MMP26: variants seen among roughly 807,000 people sequenced by gnomAD.
MMP26 encodes matrix metalloproteinase-26.
A neutral mutation model predicts 31.0 loss-of-function variants in MMP26; 33 were observed. The ratio of observed to expected loss-of-function variants is 1.06; its 90% CI spans 0.81 to 1.42. MMP26 has a LOEUF of 1.42. Ranked by LOEUF, MMP26 falls within the 40% of genes most tolerant of loss-of-function variation. MMP26 has a pLI of 0.00. For missense variants in MMP26, 347 were observed against 316.1 expected, an observed-to-expected ratio of 1.10 and a Z score of -0.74; for synonymous variants, 122 against 114.9, an observed-to-expected ratio of 1.06 and a Z score of -0.40.
chr11:4,898,655 G>A (rs973094202), intron 2 of MMP26, among the ~76,000 whole-genome samples: 7 of 151,984 alleles, frequency 4.6e-5, no homozygotes, highest in Admixed American at 6.6e-5. Flanking sequence ...TTTATTGTTA[G>A]CATTATTTAT....
At chr11:4,913,236 AG>A (rs1363786052) in intron 2 of MMP26, 1 of 152,144 alleles carries the variant, frequency 6.6e-6, no homozygotes, top group Non-Finnish European at 1.5e-5. Context: ...GCCAAACAGG[AG>A]GGGACACTGG....
At chr11:4,722,948 G>T in intron 1 of MMP26, 1 of 790,294 alleles carries the variant, frequency 1.3e-6, no homozygotes, top group Non-Finnish European at 2.3e-6. Context: ...GGTGGTCTTT[G>T]TATGGATACT....
intron 2 of MMP26, chr11:4,882,019 C>A (rs1850473133): frequency 6.2e-7 from 1 of 1,613,810 alleles, no homozygotes; most frequent in African/African-American, 1.3e-5. Context: ...ACACCATTGC[C>A]CTCTTGGGAA....
intron 1 of MMP26, among the ~76,000 whole-genome samples, chr11:4,755,506 A>G (rs1848494882): frequency 6.6e-6 from 1 of 152,068 alleles, no homozygotes; most frequent in Non-Finnish European, 1.5e-5. Context: ...CTTGTATCAG[A>G]CATCTCATCT....
chr11:4,832,372 A>G (rs1849658607), intron 2 of MMP26: 1 of 153,626 alleles, frequency 6.5e-6, no homozygotes, highest in Non-Finnish European at 1.5e-5. Context: ...TCTCCTCCCT[A>G]CCCACGATGC....
At chr11:4,794,183 G>C (rs151267702) in intron 2 of MMP26, 1 of 152,326 alleles carries the variant, frequency 6.6e-6, no homozygotes, top group African/African-American at 2.4e-5. Context: ...AGTAGGTCTA[G>C]GGCAAGATCT....
chr11:4,798,322 C>T (rs1180652998), intron 2 of MMP26, among the ~76,000 whole-genome samples: 1 of 152,154 alleles, frequency 6.6e-6, no homozygotes, highest in Non-Finnish European at 1.5e-5. Flanking sequence ...GATTAGCAGA[C>T]CAAGACTAAA....
chr11:4,766,445 C>T (rs561245712), intron 1 of MMP26, among the ~76,000 whole-genome samples: 38 of 152,232 alleles, frequency 2.5e-4, no homozygotes, highest in Admixed American at 1.4e-3. Context: ...CATTTTTCCC[C>T]GGATACAGAT....
At chr11:4,889,203 A>C (rs978311618) in intron 2 of MMP26, among the ~76,000 whole-genome samples, 3 of 152,090 alleles carry the variant, frequency 2.0e-5, no homozygotes, top group African/African-American at 7.2e-5. Context: ...TGCTTCCAGG[A>C]CCCCAAGGAT....
intron 2 of MMP26, among the ~76,000 whole-genome samples, chr11:4,987,560 A>T (rs1283075239): frequency 6.7e-6 from 1 of 148,216 alleles, no homozygotes. Flanking sequence ...CTGGGACTAC[A>T]GGCGCCCACC....
rs1021717694 is a variant in MMP26, at chr11:4,882,131, A to G, written c.-144-105937A>G. On this transcript the variant is annotated intron_variant, in intron 2 of 7. Coordinates refer to ENST00000380390, the MANE Select transcript of MMP26 (RefSeq NM_021801.5). ...AGCTGTTGATCTATGTCTGACCATT[A>G]CGACCCTTCCCACTGTGCTTGGTGT... The G allele has an allele frequency of 1.9e-6, 3 of 1,613,848 alleles. No homozygotes were observed. The highest frequency in any genetic ancestry group is 2.5e-6 in the Non-Finnish European group (3 of 1,179,932).
intron 2 of MMP26, chr11:4,908,562 T>G (rs894123873): frequency 2.0e-6 from 1 of 507,342 alleles, no homozygotes; most frequent in Non-Finnish European, 3.6e-6. Flanking sequence ...ATGGAGCAGC[T>G]GGATTTGAGT....
intron 2 of MMP26, among the ~76,000 whole-genome samples, chr11:4,933,199 TGTG>T (rs1564809756): frequency 2.6e-5 from 4 of 152,234 alleles, no homozygotes. Context: ...TATTTGTGTG[TGTG>T]GTTTTTGTGA....
At chr11:4,732,189 G>A (rs1848182355) in intron 1 of MMP26, among the ~76,000 whole-genome samples, 2 of 152,214 alleles carry the variant, frequency 1.3e-5, no homozygotes, top group South Asian at 4.2e-4. Context: ...ATATTCTCCT[G>A]TACATATTTT....
intron 2 of MMP26, among the ~76,000 whole-genome samples, chr11:4,894,938 A>G (rs1850678716): frequency 6.6e-6 from 1 of 152,186 alleles, no homozygotes; most frequent in Non-Finnish European, 1.5e-5. Context: ...GCTCTGTGGC[A>G]TAATTTATGA....
intron 2 of MMP26, among the ~76,000 whole-genome samples, chr11:4,888,870 T>C (rs2133546427): frequency 6.6e-6 from 1 of 152,286 alleles, no homozygotes; most frequent in African/African-American, 2.4e-5. Flanking sequence ...CCTCAACAAG[T>C]ACCATGTGTC....
chr11:4,981,087 AAAC>A (rs1464841591), intron 2 of MMP26, among the ~76,000 whole-genome samples: 3 of 152,138 alleles, frequency 2.0e-5, no homozygotes, highest in Admixed American at 2.0e-4. Context: ...GAAGAAATTT[AAAC>A]AACTCAAAAT....
chr11:4,890,595 A>G (rs1850604608), intron 2 of MMP26: 1 of 152,264 alleles, frequency 6.6e-6, no homozygotes, highest in Non-Finnish European at 1.5e-5. Flanking sequence ...GGGAAGGTGC[A>G]TGATGAGTCC....
At chr11:4,931,945 C>T (rs1413325330) in intron 2 of MMP26, among the ~76,000 whole-genome samples, 1 of 151,990 alleles carries the variant, frequency 6.6e-6, no homozygotes, top group Non-Finnish European at 1.5e-5. Flanking sequence ...AGCACACGTT[C>T]GGTTCTTTTC....
Sources: allele counts gnomAD v4.1 joint callset (sites outside exome capture counted in the v4.1 genomes callset), GRCh38; gene constraint gnomAD v4.1.1; transcripts MANE v1.5; gene names NCBI Gene and HGNC (gene_info 2026-07-23, HGNC 2026-07-21).